The following CDCA7L variants were observed in gnomAD, a reference collection of about 807,000 sequenced individuals.
The protein encoded by CDCA7L is cell division cycle associated 7 like.
A neutral mutation model predicts 57.4 loss-of-function variants in CDCA7L; 44 were observed. The ratio of observed to expected loss-of-function variants is 0.77; its 90% CI spans 0.60 to 0.98. The LOEUF is 0.98. Among genes scored for constraint, CDCA7L ranks in the 50% least tolerant of loss-of-function variants. The probability of loss-of-function intolerance (pLI) is 0.00; values close to 1 mark genes in which losing one functional copy is unlikely to be tolerated. For synonymous variants in CDCA7L, 236 were observed against 202.8 expected, an observed-to-expected ratio of 1.16 and a Z score of -1.39; for missense variants, 644 against 580.6, an observed-to-expected ratio of 1.11 and a Z score of -1.12.
In CDCA7L at chr7:21,901,023, C is replaced by T. The variant is rs1562614172; in HGVS notation, c.*1299G>A. On this transcript the variant is annotated 3_prime_UTR_variant, in exon 10 of 10. Transcript: ENST00000406877. ...TTGCCATAGGCGCCCGCTGGGACAC[C>T]CAAGCAGGAACCATTGTTGAAGCCC... 1 of 1,605,738 alleles carries T rather than the reference C, an allele frequency of 6.2e-7. No homozygotes were observed. The highest frequency in any genetic ancestry group is 1.1e-5 in the South Asian group (1 of 89,642).
chr7:21,925,615 T>G (rs1161456888), intron 1 of CDCA7L, among the ~76,000 whole-genome samples: 1 of 152,178 alleles, frequency 6.6e-6, no homozygotes, highest in Non-Finnish European at 1.5e-5. Flanking sequence ...TCAGGCCAAG[T>G]GTGGTGGCTC....
chr7:21,941,462 A>G (rs114142514), intron 1 of CDCA7L, among the ~76,000 whole-genome samples: 2,195 of 152,340 alleles, frequency 0.014, 61 homozygotes, highest in African/African-American at 0.049. Flanking sequence ...GAAGTGGTTC[A>G]GTGCAGCTTA....
rs1312861023 is a variant in CDCA7L at position 21,901,103 on chromosome 7, T to G, written c.*1219A>C. 1 of 1,613,540 alleles carries G rather than the reference T, an allele frequency of 6.2e-7. No individual in the cohort carries two copies. The highest frequency in any genetic ancestry group is 1.7e-5 in the Admixed American group (1 of 59,940). On this transcript the variant is annotated 3_prime_UTR_variant, in exon 10 of 10. Transcript: ENST00000406877. ...GTCATCTTTGCAAAAGCCACCCCCG[T>G]GGACAGACAAGAAACCAAACAGACC...
intron 7 of CDCA7L, among the ~76,000 whole-genome samples, chr7:21,905,067 C>CA (rs752243660): frequency 5.9e-4 from 90 of 151,828 alleles, no homozygotes; most frequent in African/African-American, 9.2e-4. Context: ...CAGAAAAACA[C>CA]AAAAAAAATG....
In CDCA7L at chr7:21,901,305, T is replaced by TTAGCCTCTGCTGGAGTGCAGTG; in HGVS notation, c.*1016_*1017insCACTGCACTCCAGCAGAGGCTA. On this transcript the variant is annotated 3_prime_UTR_variant, in exon 10 of 10. Transcript: ENST00000406877. Reference sequence around the variant, plus strand: ...CTGCTGGAGTGCAGTGAGGATTTTCTAGCATGTTGCTGCACTGTTCCCATG... The same window carrying TTAGCCTCTGCTGGAGTGCAGTG: ...CTGCTGGAGTGCAGTGAGGATTTTCTTAGCCTCTGCTGGAGTGCAGTGAGCATGTTGCTGCACTGTTCCCATG... 60 of 1,549,288 alleles carry TTAGCCTCTGCTGGAGTGCAGTG rather than the reference T, an allele frequency of 3.9e-5. No homozygotes were observed. Among genetic ancestry groups the TTAGCCTCTGCTGGAGTGCAGTG allele is most frequent in the South Asian group, 2.0e-4 (16 of 78,898 alleles).
intron 1 of CDCA7L, among the ~76,000 whole-genome samples, chr7:21,923,255 G>A (rs1462001016): frequency 1.3e-5 from 2 of 152,148 alleles, no homozygotes; most frequent in Non-Finnish European, 2.9e-5. Flanking sequence ...CTGGGAGGCC[G>A]AGGCAGGAAG....
At chr7:21,944,449 C>CAACAAAAAAAAAAA (rs1786444890) in intron 1 of CDCA7L, among the ~76,000 whole-genome samples, 2 of 61,658 alleles carry the variant, frequency 3.2e-5, no homozygotes, top group African/African-American at 1.8e-4. Flanking sequence ...ACTCCGTCTC[C>CAACAAAAAAAAAAA]AAAAAAAAAA....
intron 2 of CDCA7L, among the ~76,000 whole-genome samples, chr7:21,913,829 A>G (rs1000651402): frequency 6.6e-6 from 1 of 152,184 alleles, no homozygotes; most frequent in African/African-American, 2.4e-5. Flanking sequence ...GATAGAGAAA[A>G]ACAACTTACC....
At chr7:21,931,881 C>T (rs549131473) in intron 1 of CDCA7L, among the ~76,000 whole-genome samples, 7 of 152,216 alleles carry the variant, frequency 4.6e-5, no homozygotes, top group Non-Finnish European at 1.0e-4. Flanking sequence ...TCTCTGTTTG[C>T]AGATGACATG....
At position 21,902,307 on chromosome 7, in the gene CDCA7L, C is replaced by CTGTTTG; in HGVS notation, c.*9_*14dup. The CTGTTTG allele has an allele frequency of 6.2e-7, 1 of 1,613,662 alleles. No homozygotes were observed. Among genetic ancestry groups the CTGTTTG allele is most frequent in the East Asian group, 2.2e-5 (1 of 44,882 alleles). On this transcript the variant is annotated 3_prime_UTR_variant, in exon 10 of 10. Coordinates refer to ENST00000406877, the MANE Select transcript of CDCA7L (RefSeq NM_018719.5). ...GTACTCTATGGTGAGGTGGCTGGTT[C>CTGTTTG]TGTTTGTTTTCCTCTTAATTGTCTT...
chr7:21,911,405 A>G (rs1785322946), intron 3 of CDCA7L, among the ~76,000 whole-genome samples: 1 of 152,112 alleles, frequency 6.6e-6, no homozygotes, highest in Admixed American at 6.5e-5. Context: ...GCACGAGGAG[A>G]AGATGAATGG....
chr7:21,910,057 A>G (rs1785266756), intron 3 of CDCA7L, among the ~76,000 whole-genome samples: 2 of 152,226 alleles, frequency 1.3e-5, no homozygotes, highest in Non-Finnish European at 2.9e-5. Context: ...ACTGTAAGCT[A>G]TATCATGATC....
Position 21,906,366 on chromosome 7 carries a change from C to T in CDCA7L, c.844G>A (p.Ala282Thr). ...GCTGAGACAGTGAAGTTCTCTAGAG[C>T]AAACTTCTCAGGAGGCCGCGCACTC... is the stretch of plus-strand genomic sequence containing the variant. ...TRSARPPEKF[A>T]LENFTVSAAK... Residue 282 changes from alanine to threonine, a missense_variant, in exon 6 of 10, where the codon GCT (alanine) becomes ACT (threonine). By Grantham distance (58) the Ala-to-Thr change is moderately conservative. Coordinates refer to ENST00000406877, the MANE Select transcript of CDCA7L (RefSeq NM_018719.5). The T allele has an allele frequency of 6.2e-7, 1 of 1,613,768 alleles. No homozygotes were observed. The highest frequency in any genetic ancestry group is 8.5e-7 in the Non-Finnish European group (1 of 1,179,796).
rs1583846152 is a variant in CDCA7L at position 21,908,658 on chromosome 7, T to C, written c.304-151A>G. 6.9e-6 allele frequency: 6 copies of C among 868,218 alleles called. No individual in the cohort carries two copies. The East Asian group carries it at 1.7e-4, about 25-fold the overall frequency. The allele number at this position is 868,218 out of a possible 1,614,324, so 53.8% of individuals were successfully genotyped here. ...TTATGAGTTCCCTCTGAATTTCCTT[T>C]AAATGTGCAAGAAATTGGTTGATGA... is the stretch of plus-strand genomic sequence containing the variant. On this transcript the variant is annotated intron_variant, in intron 3 of 9. Coordinates refer to ENST00000406877, the MANE Select transcript of CDCA7L (RefSeq NM_018719.5).
intron 3 of CDCA7L, among the ~76,000 whole-genome samples, chr7:21,910,327 A>C (rs890179068): frequency 6.6e-6 from 1 of 152,224 alleles, no homozygotes; most frequent in African/African-American, 2.4e-5. Context: ...TCTGCAAAGA[A>C]AGCCAAAGGA....
chr7:21,932,003 CT>C (rs1786033700), intron 1 of CDCA7L, among the ~76,000 whole-genome samples: 1 of 152,080 alleles, frequency 6.6e-6, no homozygotes, highest in Admixed American at 6.6e-5. Context: ...ACAAGCATTC[CT>C]ATATACCAAT....
chr7:21,918,396 G>A (rs1583858423), intron 1 of CDCA7L, among the ~76,000 whole-genome samples: 2 of 152,158 alleles, frequency 1.3e-5, no homozygotes, highest in East Asian at 3.8e-4. Flanking sequence ...ATCATCAAAT[G>A]TGCAGTCTGT....
At chr7:21,904,671 C>T (rs1451403083) in intron 7 of CDCA7L, among the ~76,000 whole-genome samples, 3 of 152,214 alleles carry the variant, frequency 2.0e-5, no homozygotes, top group African/African-American at 2.4e-5. Context: ...CATCCTGAAA[C>T]CATCCCCTTC....
At chr7:21,926,958 G>C (rs1390889833) in intron 1 of CDCA7L, among the ~76,000 whole-genome samples, 2 of 152,124 alleles carry the variant, frequency 1.3e-5, no homozygotes. Context: ...GTCCAGGCAA[G>C]ACAGTATGTT....
Sources: gnomAD v4.1 joint callset for allele counts (sites outside exome capture counted in the v4.1 genomes callset) on GRCh38, gnomAD v4.1.1 for gene constraint, MANE v1.5 for transcripts, NCBI Gene and HGNC (gene_info 2026-07-23, HGNC 2026-07-21) for gene names.